The following KCNH8 variants were observed in gnomAD, a reference collection of about 807,000 sequenced individuals.
KCNH8 encodes potassium voltage-gated channel subfamily H member 8, also known as voltage-gated delayed rectifier potassium channel KCNH8.
In KCNH8, 70 loss-of-function variants were observed where a neutral mutation model predicts 103.6. The ratio of observed to expected loss-of-function variants is 0.68; its 90% CI spans 0.56 to 0.82. KCNH8 has a LOEUF of 0.82. Ranked by LOEUF, KCNH8 falls within the 40% of genes least tolerant of loss-of-function variation. The probability of loss-of-function intolerance (pLI) is 0.00; values close to 1 mark genes in which losing one functional copy is unlikely to be tolerated. For synonymous variants in KCNH8, 498 were observed against 489.4 expected (o/e 1.02, Z -0.23); for missense variants, 1,217 against 1,329.9 (o/e 0.92, Z 1.32).
chr3:19,480,815 T>C (rs1380786840), intron 11 of KCNH8, among the ~76,000 whole-genome samples: 4 of 152,228 alleles, frequency 2.6e-5, no homozygotes, highest in Non-Finnish European at 5.9e-5. Context: ...TTTCTCTGTC[T>C]GGTTCTTCAT....
At chr3:19,395,620 C>A (rs1464463616) in intron 7 of KCNH8, among the ~76,000 whole-genome samples, 1 of 151,938 alleles carries the variant, frequency 6.6e-6, no homozygotes, top group East Asian at 1.9e-4. Context: ...TGTTCCGATG[C>A]AGGGCTAGTA....
rs190376127 is a variant in KCNH8, at chr3:19,214,079, A to G, written c.77-39575A>G. Among the ~76,000 whole-genome samples, 542 of 152,146 alleles carry G rather than the reference A, an allele frequency of 3.6e-3. 6 individuals are homozygous for G. Among genetic ancestry groups the G allele is most frequent in the African/African-American group, 0.012 (507 of 41,518 alleles). ...CATCTGCTCTGGGCTGGCACTCAGC[A>G]CTCTAGAGGGTGATGGCCTATTGCT... On this transcript the variant is annotated intron_variant, in intron 1 of 15. Coordinates refer to ENST00000328405, the MANE Select transcript of KCNH8 (RefSeq NM_144633.3).
chr3:19,171,126 A>G (rs1039847204), intron 1 of KCNH8, among the ~76,000 whole-genome samples: 2 of 152,106 alleles, frequency 1.3e-5, no homozygotes, highest in Non-Finnish European at 2.9e-5. Context: ...TTGAGTAAAG[A>G]TAATATCCTT....
intron 3 of KCNH8, among the ~76,000 whole-genome samples, chr3:19,329,667 C>T (rs955809845): frequency 6.6e-6 from 1 of 152,110 alleles, no homozygotes; most frequent in Non-Finnish European, 1.5e-5. Context: ...CATAAAAGTG[C>T]TTTGCATTGC....
At chr3:19,203,334 T>C (rs574260934) in intron 1 of KCNH8, among the ~76,000 whole-genome samples, 1 of 152,236 alleles carries the variant, frequency 6.6e-6, no homozygotes, top group African/African-American at 2.4e-5. Context: ...AAATTATTGA[T>C]GCTTTTTTGT....
chr3:19,241,864 C>G (rs1289745683), intron 1 of KCNH8, among the ~76,000 whole-genome samples: 1 of 151,968 alleles, frequency 6.6e-6, no homozygotes, highest in South Asian at 2.1e-4. Flanking sequence ...TCACAAATAA[C>G]TACAATATTG....
chr3:19,362,165 A>G (rs1282436006), intron 5 of KCNH8, among the ~76,000 whole-genome samples: 2 of 152,164 alleles, frequency 1.3e-5, no homozygotes, highest in African/African-American at 4.8e-5. Context: ...CTAATGTAAG[A>G]CAGACTAACA....
chr3:19,158,147 C>A (rs1364744027), intron 1 of KCNH8, among the ~76,000 whole-genome samples: 1 of 151,230 alleles, frequency 6.6e-6, no homozygotes, highest in Non-Finnish European at 1.5e-5. Context: ...GTAACTTTTA[C>A]TTTCAAATTC....
chr3:19,394,961 T>A (rs1339413372), intron 6 of KCNH8, 143 bp from the exon 7 acceptor site: 1 of 648,554 alleles, frequency 1.5e-6, no homozygotes, highest in East Asian at 2.8e-5. Context: ...TGATATAATA[T>A]GTCAAGAACA....
At chr3:19,400,449 A>G (rs1420411049) in intron 7 of KCNH8, among the ~76,000 whole-genome samples, 2 of 151,762 alleles carry the variant, frequency 1.3e-5, no homozygotes, top group African/African-American at 4.8e-5. Flanking sequence ...ATGTTACCTT[A>G]TGTTCTTTTT....
chr3:19,185,844 A>G (rs536704649), intron 1 of KCNH8, among the ~76,000 whole-genome samples: 1 of 152,124 alleles, frequency 6.6e-6, no homozygotes, highest in Admixed American at 6.5e-5. Flanking sequence ...TATTCCCCCA[A>G]TGTAAATATT....
intron 7 of KCNH8, among the ~76,000 whole-genome samples, chr3:19,405,852 A>C (rs1410203131): frequency 1.3e-5 from 2 of 151,990 alleles, no homozygotes; most frequent in Non-Finnish European, 2.9e-5. Flanking sequence ...TCCTTCTTGC[A>C]TCATAAACCC....
At chr3:19,506,089 G>C (rs1323136699) in intron 11 of KCNH8, among the ~76,000 whole-genome samples, 2 of 152,156 alleles carry the variant, frequency 1.3e-5, no homozygotes, top group East Asian at 3.9e-4. Context: ...CCTTGTACTG[G>C]GTACTGACTT....
At chr3:19,291,925 A>T (rs574328985) in intron 3 of KCNH8, among the ~76,000 whole-genome samples, 65 of 152,296 alleles carry the variant, frequency 4.3e-4, no homozygotes, top group African/African-American at 1.5e-3. Context: ...AAACTGAGTA[A>T]ATACTTTCTT....
At chr3:19,484,035 C>T (rs1237261165) in intron 11 of KCNH8, among the ~76,000 whole-genome samples, 3 of 151,924 alleles carry the variant, frequency 2.0e-5, no homozygotes, top group African/African-American at 7.3e-5. Context: ...GTCACATTTC[C>T]TTTCTAACTT....
intron 5 of KCNH8, among the ~76,000 whole-genome samples, chr3:19,381,019 T>C (rs2066281183): frequency 6.6e-6 from 1 of 152,234 alleles, no homozygotes; most frequent in South Asian, 2.1e-4. Flanking sequence ...CATTTTCTTC[T>C]ATTTCACTTT....
intron 3 of KCNH8, among the ~76,000 whole-genome samples, chr3:19,332,921 T>G (rs1169819127): frequency 6.6e-6 from 1 of 152,144 alleles, no homozygotes; most frequent in Non-Finnish European, 1.5e-5. Flanking sequence ...GTGTGAGCCA[T>G]TGAGCCCGGC....
intron 1 of KCNH8, among the ~76,000 whole-genome samples, chr3:19,202,308 T>C (rs2063671248): frequency 6.6e-6 from 1 of 152,160 alleles, no homozygotes; most frequent in Non-Finnish European, 1.5e-5. Context: ...TTGGGTTTGA[T>C]ATATTTCTAC....
chr3:19,311,172 CTAA>C (rs1031136738), intron 3 of KCNH8, among the ~76,000 whole-genome samples: 4 of 151,288 alleles, frequency 2.6e-5, no homozygotes, highest in African/African-American at 7.3e-5. Flanking sequence ...CCTCTCATGT[CTAA>C]TAATAATAAT....
Sources: allele counts gnomAD v4.1 joint callset (sites outside exome capture counted in the v4.1 genomes callset), GRCh38; gene constraint gnomAD v4.1.1; transcripts MANE v1.5; gene names NCBI Gene and HGNC (gene_info 2026-07-23, HGNC 2026-07-21).